Variants in ACOT11 observed in about 807,000 individuals in gnomAD.
ACOT11 encodes the protein acyl-CoA thioesterase 11.
In ACOT11, 69 loss-of-function variants were observed where a neutral mutation model predicts 77.5. The ratio of observed to expected loss-of-function variants is 0.89; its 90% CI spans 0.73 to 1.09. The LOEUF is 1.09. Among genes scored for constraint, ACOT11 ranks in the 50% least tolerant of loss-of-function variants. The probability of loss-of-function intolerance (pLI) is 0.00; values close to 1 mark genes in which losing one functional copy is unlikely to be tolerated. For synonymous variants in ACOT11, 279 were observed against 313.0 expected, an observed-to-expected ratio of 0.89 and a Z score of 1.15; for missense variants, 766 against 813.7, an observed-to-expected ratio of 0.94 and a Z score of 0.71.
intron 13 of ACOT11, 71 bp downstream of exon 13, chr1:54,605,280 G>T: frequency 6.5e-7 from 1 of 1,549,298 alleles, no homozygotes; most frequent in Non-Finnish European, 8.7e-7. Context: ...GTCTCCTTCT[G>T]CGGGTCATCC....
chr1:54,624,957 G>A (rs1232624059), intron 15 of ACOT11, among the ~76,000 whole-genome samples: 1 of 151,922 alleles, frequency 6.6e-6, no homozygotes, highest in African/African-American at 2.4e-5. Context: ...GGGAGGTGAT[G>A]TGGTGAAGGG....
At chr1:54,566,222 C>T (rs1043609889) in intron 1 of ACOT11, among the ~76,000 whole-genome samples, 6 of 151,938 alleles carry the variant, frequency 3.9e-5, no homozygotes, top group Non-Finnish European at 7.4e-5. Flanking sequence ...TTTGGGAGGC[C>T]GAGGCAGGCG....
intron 10 of ACOT11, among the ~76,000 whole-genome samples, chr1:54,603,409 A>G (rs1643988145): frequency 6.6e-6 from 1 of 152,238 alleles, no homozygotes; most frequent in African/African-American, 2.4e-5. Flanking sequence ...GAAAGCATTT[A>G]TGGACTTTAG....
intron 3 of ACOT11, among the ~76,000 whole-genome samples, chr1:54,588,177 C>T (rs1654574191): frequency 6.6e-6 from 1 of 151,876 alleles, no homozygotes; most frequent in African/African-American, 2.4e-5. Context: ...GCACTCCAAC[C>T]TGGGTGACAC....
intron 15 of ACOT11, chr1:54,623,703 C>T (rs1012606087): frequency 5.4e-5 from 14 of 257,260 alleles, no homozygotes; most frequent in Non-Finnish European, 7.4e-5. Context: ...GAGCCCCGAC[C>T]CCTGGCTGTC....
At chr1:54,571,041 A>C in intron 1 of ACOT11, among the ~76,000 whole-genome samples, 1 of 148,274 alleles carries the variant, frequency 6.7e-6, no homozygotes. Flanking sequence ...GTATAATCTC[A>C]TTGAATCCCA....
At chr1:54,621,547 C>T (rs1340211986) in intron 15 of ACOT11, 2 of 152,160 alleles carry the variant, frequency 1.3e-5, no homozygotes, top group East Asian at 1.9e-4. Flanking sequence ...CGAACTTTAG[C>T]AAAGGAGTTG....
At chr1:54,553,122 C>T (rs553741463) in intron 1 of ACOT11, among the ~76,000 whole-genome samples, 21 of 152,106 alleles carry the variant, frequency 1.4e-4, no homozygotes, top group South Asian at 2.1e-4. Flanking sequence ...CCACCATGCC[C>T]GGCCAGTGTT....
intron 3 of ACOT11, among the ~76,000 whole-genome samples, chr1:54,586,792 G>A (rs890788897): frequency 2.6e-5 from 4 of 151,944 alleles, no homozygotes; most frequent in Non-Finnish European, 5.9e-5. Context: ...TTCATCACAC[G>A]CACTGGGCTT....
At chr1:54,565,078 C>T (rs1029673703) in intron 1 of ACOT11, among the ~76,000 whole-genome samples, 8 of 152,152 alleles carry the variant, frequency 5.3e-5, no homozygotes. Flanking sequence ...ACCCCAGGCC[C>T]TCCTTGGCCT....
downstream of ACOT11, chr1:54,610,767 C>T: frequency 1.0e-6 from 1 of 984,260 alleles, no homozygotes; most frequent in South Asian, 4.7e-5. Flanking sequence ...AGGAGTGGAA[C>T]CTGATGGGAC....
chr1:54,565,486 C>A (rs1653703212), intron 1 of ACOT11, among the ~76,000 whole-genome samples: 1 of 152,132 alleles, frequency 6.6e-6, no homozygotes, highest in African/African-American at 2.4e-5. Context: ...TCAGAAGGAC[C>A]CAGGTCCAGT....
chr1:54,611,736 C>T (rs1344863749), downstream of ACOT11: 2 of 1,614,022 alleles, frequency 1.2e-6, no homozygotes, highest in Non-Finnish European at 1.7e-6. Flanking sequence ...GCCACAGCGT[C>T]AGGCTGTACC....
rs1654337057 is a variant in ACOT11 at position 54,582,256 on chromosome 1, C to T, written c.34-2399C>T. ...ATTCTCTGTCCTACTTGGTGAGTGA[C>T]AGATGTGGCTTGGGAAGGGGGAGAC... On this transcript the variant is annotated intron_variant, in intron 1 of 15. Coordinates refer to ENST00000343744, the MANE Select transcript of ACOT11 (RefSeq NM_147161.4). 2.0e-5 allele frequency among the ~76,000 whole-genome samples: 3 copies of T among 152,122 alleles called. No homozygotes were observed. In the South Asian group the frequency reaches 6.2e-4, roughly 32 times the overall value.
chr1:54,562,851 C>T (rs1466155617), intron 1 of ACOT11, among the ~76,000 whole-genome samples: 2 of 122,474 alleles, frequency 1.6e-5, no homozygotes, highest in Non-Finnish European at 3.5e-5. Flanking sequence ...GATGTGATGG[C>T]GGCTGGGAAG....
chr1:54,614,864 G>A (rs1268116832), downstream of ACOT11: 5 of 1,613,038 alleles, frequency 3.1e-6, no homozygotes, highest in Non-Finnish European at 3.4e-6. Context: ...TGATGCCTGT[G>A]GGGAAAGGAA....
At chr1:54,612,424 TG>T, downstream of ACOT11, 1 of 1,239,122 alleles carries the variant, frequency 8.1e-7, no homozygotes, top group Non-Finnish European at 1.2e-6. Flanking sequence ...CATGAGCTTC[TG>T]GGATCTTGCT....
At chr1:54,581,883 G>A (rs752289541) in intron 1 of ACOT11, among the ~76,000 whole-genome samples, 29 of 152,328 alleles carry the variant, frequency 1.9e-4, no homozygotes, top group South Asian at 4.1e-4. Context: ...TGCCCACCTT[G>A]GGACTAGGAG....
chr1:54,637,568 A>T (rs1410531534), exon 17 of ACOT11: 1 of 152,202 alleles, frequency 6.6e-6, no homozygotes, highest in African/African-American at 2.4e-5. Flanking sequence ...AGATCACCTG[A>T]GGTCAGGAGT....
Sources: allele counts gnomAD v4.1 joint callset (sites outside exome capture counted in the v4.1 genomes callset), GRCh38; gene constraint gnomAD v4.1.1; transcripts MANE v1.5; gene names NCBI Gene and HGNC (gene_info 2026-07-23, HGNC 2026-07-21).